The following GPBP1 variants were observed in gnomAD, a reference collection of about 807,000 sequenced individuals.
GPBP1 encodes the protein vasculin.
A neutral mutation model predicts 56.5 loss-of-function variants in GPBP1; 13 were observed. That is an observed-to-expected ratio of 0.23 (90% CI 0.15 to 0.37). The LOEUF is 0.37. Ranked by LOEUF, GPBP1 falls within the 10% of genes least tolerant of loss-of-function variation. The pLI is 1.00. For synonymous variants in GPBP1, 204 were observed against 188.9 expected (o/e 1.08, Z -0.66); for missense variants, 477 against 572.3 (o/e 0.83, Z 1.70).
intron 2 of GPBP1, among the ~76,000 whole-genome samples, chr5:57,191,068 G>C (rs1754504123): frequency 6.6e-6 from 1 of 151,790 alleles, no homozygotes; most frequent in Non-Finnish European, 1.5e-5. Flanking sequence ...GAGCCATTGT[G>C]CCTGGCTCCT....
intron 10 of GPBP1, 39 bp from the exon 11 acceptor site, chr5:57,261,141 G>C (rs368264954): frequency 1.6e-6 from 2 of 1,267,662 alleles, no homozygotes; most frequent in Admixed American, 1.7e-5. Flanking sequence ...CCTACTCAGG[G>C]TAAGCTTTAC....
chr5:57,192,753 C>CAA (rs70999061), intron 2 of GPBP1, among the ~76,000 whole-genome samples: 2,156 of 103,146 alleles, frequency 0.021, 113 homozygotes, highest in East Asian at 0.13. Context: ...AACTCCGTCT[C>CAA]AAAAAAAAAA....
intron 6 of GPBP1, among the ~76,000 whole-genome samples, chr5:57,244,880 C>A (rs1184428409): frequency 6.6e-6 from 1 of 151,960 alleles, no homozygotes; most frequent in Admixed American, 6.6e-5. Flanking sequence ...ATTATAGGCA[C>A]ATGCCAACAC....
intron 2 of GPBP1, among the ~76,000 whole-genome samples, chr5:57,207,019 G>C (rs773315217): frequency 6.6e-5 from 10 of 152,112 alleles, no homozygotes; most frequent in Non-Finnish European, 1.5e-4. Flanking sequence ...TGGTAGGGTC[G>C]TTTGCACCCA....
chr5:57,262,562 ATAAT>A, intron 11 of GPBP1, 28 bp from the exon 12 acceptor site: 1 of 1,513,998 alleles, frequency 6.6e-7, no homozygotes, highest in Admixed American at 1.7e-5. Flanking sequence ...CTCTTGAGGG[ATAAT>A]TTATTTATTT....
intron 3 of GPBP1, among the ~76,000 whole-genome samples, chr5:57,229,325 G>A (rs1442272654): frequency 6.7e-6 from 1 of 149,834 alleles, no homozygotes; most frequent in Non-Finnish European, 1.5e-5. Context: ...TGGGCAAGAG[G>A]TGCCAGCTTT....
At chr5:57,238,348 C>G (rs1740634474) in intron 6 of GPBP1, among the ~76,000 whole-genome samples, 1 of 152,102 alleles carries the variant, frequency 6.6e-6, no homozygotes, top group Non-Finnish European at 1.5e-5. Context: ...AGGTGGATCA[C>G]CTGAGGTCGA....
Position 57,181,666 on chromosome 5 carries a change from A to G in GPBP1, c.-58+5266A>G, listed in dbSNP as rs1056843192. Among the ~76,000 whole-genome samples, 21 of 151,950 alleles carry G rather than the reference A, an allele frequency of 1.4e-4. 1 individual carries two copies. The highest frequency in any genetic ancestry group is 1.2e-3 in the Admixed American group (18 of 15,256). ...TCAAACTCCTGACCTCAGGTGTTCT[A>G]CCCACCTCGGCCTCCCAAAGTGCTG... On this transcript the variant is annotated intron_variant, in intron 2 of 11. Coordinates refer to ENST00000506184, the MANE Select transcript of GPBP1 (RefSeq NM_022913.4).
Position 57,192,417 on chromosome 5 carries a change from T to C in GPBP1, c.-58+16017T>C, listed in dbSNP as rs369808575. 1.7e-4 allele frequency among the ~76,000 whole-genome samples: 26 copies of C among 152,246 alleles called. 1 individual carries two copies. Among genetic ancestry groups the C allele is most frequent in the South Asian group, 6.2e-4 (3 of 4,828 alleles). On this transcript the variant is annotated intron_variant, in intron 2 of 11. Transcript: ENST00000506184. ...GATTGAGACCTGTATTTTGTACTTT[T>C]TGACACAGCAGTAGTGTAAGACAGT...
At chr5:57,181,389 T>G (rs1339009206) in intron 2 of GPBP1, among the ~76,000 whole-genome samples, 1 of 149,048 alleles carries the variant, frequency 6.7e-6, no homozygotes, top group African/African-American at 2.5e-5. Flanking sequence ...TTTTTGGCGC[T>G]GCGATCGCGA....
At chr5:57,226,414 C>G (rs570154419) in intron 3 of GPBP1, among the ~76,000 whole-genome samples, 2 of 152,152 alleles carry the variant, frequency 1.3e-5, no homozygotes, top group East Asian at 1.9e-4. Context: ...GAATTTTGTT[C>G]TAGTCTCTGT....
intron 5 of GPBP1, among the ~76,000 whole-genome samples, chr5:57,232,435 A>G (rs1463527026): frequency 6.6e-6 from 1 of 152,234 alleles, no homozygotes; most frequent in African/African-American, 2.4e-5. Flanking sequence ...CTTAGCTCCT[A>G]CAATTAAGCC....
rs141894586 is a variant in GPBP1, at chr5:57,185,318, A to G, written c.-58+8918A>G. Reference sequence around the variant, plus strand: ...CTGTTGTTGCCCAGGCTGGGGTGCAATGGGGCAATCTCGGCTCACTGCAAC... The same window carrying G: ...CTGTTGTTGCCCAGGCTGGGGTGCAGTGGGGCAATCTCGGCTCACTGCAAC... On this transcript the variant is annotated intron_variant, in intron 2 of 11. Coordinates refer to ENST00000506184, the MANE Select transcript of GPBP1 (RefSeq NM_022913.4). Among the ~76,000 whole-genome samples the G allele has an allele frequency of 9.2e-3, 1,368 of 149,054 alleles. 18 individuals are homozygous for G. Among genetic ancestry groups the G allele is most frequent in the African/African-American group, 0.033 (1,315 of 40,164 alleles).
At chr5:57,181,814 A>G (rs1318471218) in intron 2 of GPBP1, among the ~76,000 whole-genome samples, 3 of 152,200 alleles carry the variant, frequency 2.0e-5, no homozygotes, top group African/African-American at 4.8e-5. Flanking sequence ...TTCAACAGAA[A>G]TGTTGAAAAA....
At chr5:57,254,338 C>T (rs1741541388) in intron 10 of GPBP1, among the ~76,000 whole-genome samples, 1 of 152,118 alleles carries the variant, frequency 6.6e-6, no homozygotes, top group Admixed American at 6.5e-5. Context: ...TTCCCTTCTC[C>T]AAATCATGTC....
chr5:57,206,331 C>G (rs376719128), intron 2 of GPBP1, among the ~76,000 whole-genome samples: 3 of 151,840 alleles, frequency 2.0e-5, no homozygotes, highest in Admixed American at 2.0e-4. Context: ...GCTTTATCTC[C>G]CTGTTTTCTT....
rs527708206 is a variant in GPBP1, at chr5:57,248,473, G to C, written c.805-936G>C. Among the ~76,000 whole-genome samples, 232 of 142,732 alleles carry C rather than the reference G, an allele frequency of 1.6e-3. 3 individuals carry two copies. The highest frequency in any genetic ancestry group is 0.013 in the Admixed American group (185 of 13,988). The allele number at this position is 142,732 out of a possible 152,430, so 93.6% of individuals were successfully genotyped here. On this transcript the variant is annotated intron_variant, in intron 8 of 11. Coordinates refer to ENST00000506184, the MANE Select transcript of GPBP1 (RefSeq NM_022913.4). Reference sequence around the variant, plus strand: ...GACGGAGTCTCGCTCTGTCGCCCAGGCTGGAGTGCAGTGGCGGGATCTCGG... The same window carrying C: ...GACGGAGTCTCGCTCTGTCGCCCAGCCTGGAGTGCAGTGGCGGGATCTCGG...
intron 2 of GPBP1, among the ~76,000 whole-genome samples, chr5:57,204,685 A>G (rs1483546638): frequency 6.6e-6 from 1 of 152,180 alleles, no homozygotes; most frequent in African/African-American, 2.4e-5. Flanking sequence ...TTGGTCTAGA[A>G]TATTACAGAA....
At chr5:57,214,523 T>G (rs1241711322) in intron 3 of GPBP1, among the ~76,000 whole-genome samples, 2 of 152,138 alleles carry the variant, frequency 1.3e-5, no homozygotes, top group East Asian at 3.9e-4. Context: ...AGGCAGAGGT[T>G]GTGGTGAGCT....
Sources: gnomAD v4.1 joint callset for allele counts (sites outside exome capture counted in the v4.1 genomes callset) on GRCh38, gnomAD v4.1.1 for gene constraint, MANE v1.5 for transcripts, NCBI Gene and HGNC (gene_info 2026-07-23, HGNC 2026-07-21) for gene names.